SDK1: variants seen among roughly 807,000 people sequenced by gnomAD.
The protein encoded by SDK1 is sidekick cell adhesion molecule 1.
A neutral mutation model predicts 245.5 loss-of-function variants in SDK1; 157 were observed. The ratio of observed to expected loss-of-function variants is 0.64; its 90% CI spans 0.56 to 0.73. The LOEUF is 0.73. Among genes scored for constraint, SDK1 ranks in the 30% least tolerant of loss-of-function variants. The pLI is 0.00. For synonymous variants in SDK1, 1,647 were observed against 1,278.5 expected (o/e 1.29, Z -6.15); for missense variants, 3,583 against 3,002.3 (o/e 1.19, Z -4.52).
At chr7:3,497,727 C>A (rs1782068672) in intron 1 of SDK1, among the ~76,000 whole-genome samples, 2 of 152,162 alleles carry the variant, frequency 1.3e-5, no homozygotes, top group African/African-American at 4.8e-5. Flanking sequence ...TGATAAACCC[C>A]TTAGATGCTA....
intron 1 of SDK1, among the ~76,000 whole-genome samples, chr7:3,511,014 C>T (rs528448634): frequency 2.6e-5 from 4 of 152,130 alleles, no homozygotes; most frequent in African/African-American, 7.2e-5. Context: ...TGTAGGGGGA[C>T]GAGGGTGAAA....
intron 4 of SDK1, among the ~76,000 whole-genome samples, chr7:3,676,093 G>C (rs1035666430): frequency 2.6e-5 from 4 of 152,116 alleles, no homozygotes; most frequent in African/African-American, 9.7e-5. Context: ...AGCCTCCCAA[G>C]TAGCTGGGAC....
At position 3,568,883 on chromosome 7, in the gene SDK1, A is replaced by G. The variant is rs777548387; in HGVS notation, c.299-50197A>G. On this transcript the variant is annotated intron_variant, in intron 1 of 44. Coordinates refer to ENST00000404826, the MANE Select transcript of SDK1 (RefSeq NM_152744.4). ...TATTTATTCTACATTGCTAATAGAC[A>G]GAAAATATTTTCCCAAAGGAATTAT... Among the ~76,000 whole-genome samples, 141 of 152,284 alleles carry G rather than the reference A, an allele frequency of 9.3e-4. 1 individual carries two copies. The highest frequency in any genetic ancestry group is 2.4e-3 in the Admixed American group (36 of 15,306).
At chr7:3,599,956 C>T (rs912573504) in intron 1 of SDK1, among the ~76,000 whole-genome samples, 5 of 152,116 alleles carry the variant, frequency 3.3e-5, no homozygotes, top group African/African-American at 4.8e-5. Context: ...TTGTATATAT[C>T]TATAATTAAA....
chr7:3,654,933 G>C (rs187172868), intron 4 of SDK1, among the ~76,000 whole-genome samples: 1 of 151,974 alleles, frequency 6.6e-6, no homozygotes, highest in Non-Finnish European at 1.5e-5. Context: ...CATAATTGCA[G>C]TTCACCAACT....
At chr7:4,104,942 A>C (rs1402562689) in intron 22 of SDK1, among the ~76,000 whole-genome samples, 1 of 151,770 alleles carries the variant, frequency 6.6e-6, no homozygotes, top group African/African-American at 2.4e-5. Context: ...CCTGGGCTCA[A>C]GAGATCCTCC....
intron 44 of SDK1, among the ~76,000 whole-genome samples, chr7:4,260,736 C>T (rs1471522068): frequency 6.8e-6 from 1 of 147,092 alleles, no homozygotes; most frequent in Non-Finnish European, 1.5e-5. Context: ...ATGTGTTCAT[C>T]GTCACCTGAT....
intron 5 of SDK1, among the ~76,000 whole-genome samples, chr7:3,850,020 G>A (rs1780378911): frequency 6.6e-6 from 1 of 152,226 alleles, no homozygotes; most frequent in South Asian, 2.1e-4. Context: ...TTAAGGCTCA[G>A]TAGAGTTTCT....
At chr7:3,405,044 C>G (rs960459873) in intron 1 of SDK1, among the ~76,000 whole-genome samples, 2 of 151,852 alleles carry the variant, frequency 1.3e-5, no homozygotes, top group Non-Finnish European at 2.9e-5. Flanking sequence ...TGGGTTCTGA[C>G]GATGTCCTAC....
At chr7:3,760,349 C>A (rs915648131) in intron 4 of SDK1, among the ~76,000 whole-genome samples, 1 of 152,042 alleles carries the variant, frequency 6.6e-6, no homozygotes, top group Non-Finnish European at 1.5e-5. Context: ...CATACATTCC[C>A]CTTGTTGACC....
intron 4 of SDK1, among the ~76,000 whole-genome samples, chr7:3,790,537 G>A (rs1361193055): frequency 6.6e-6 from 1 of 152,154 alleles, no homozygotes; most frequent in Non-Finnish European, 1.5e-5. Flanking sequence ...GGCCAGGCGT[G>A]GTGGTCACAC....
chr7:3,348,318 C>G (rs1180588848), intron 1 of SDK1, among the ~76,000 whole-genome samples: 1 of 152,098 alleles, frequency 6.6e-6, no homozygotes, highest in Non-Finnish European at 1.5e-5. Context: ...ACAGTTGTTA[C>G]GAAGGTAAGT....
At chr7:3,432,914 C>A (rs2128585064) in intron 1 of SDK1, among the ~76,000 whole-genome samples, 1 of 152,306 alleles carries the variant, frequency 6.6e-6, no homozygotes, top group East Asian at 1.9e-4. Context: ...CATTCTTGTA[C>A]AGATTCATAG....
chr7:4,160,962 T>C (rs1416024693), intron 31 of SDK1, among the ~76,000 whole-genome samples: 1 of 152,180 alleles, frequency 6.6e-6, no homozygotes, highest in Non-Finnish European at 1.5e-5. Context: ...GATGCACAAG[T>C]GTGCCTGTGG....
chr7:3,335,160 G>A (rs1780166496), intron 1 of SDK1, among the ~76,000 whole-genome samples: 1 of 152,072 alleles, frequency 6.6e-6, no homozygotes, highest in Admixed American at 6.5e-5. Context: ...GTATCCAGTT[G>A]CCAGAGTGAC....
chr7:3,389,809 G>T (rs2128569722), intron 1 of SDK1, among the ~76,000 whole-genome samples: 1 of 152,246 alleles, frequency 6.6e-6, no homozygotes, highest in East Asian at 1.9e-4. Context: ...GGGTGCTGTG[G>T]TAACAAATAT....
chr7:3,597,898 G>A (rs1337024206), intron 1 of SDK1, among the ~76,000 whole-genome samples: 3 of 152,062 alleles, frequency 2.0e-5, no homozygotes, highest in Non-Finnish European at 2.9e-5. Flanking sequence ...TACTTTGACC[G>A]TTTATAAAAA....
chr7:4,168,688 C>T (rs1781646954), intron 32 of SDK1, among the ~76,000 whole-genome samples: 1 of 152,220 alleles, frequency 6.6e-6, no homozygotes, highest in Non-Finnish European at 1.5e-5. Flanking sequence ...CTGCAGTCTT[C>T]CTTCTGAGGT....
chr7:3,400,162 G>C (rs965517108), intron 1 of SDK1, among the ~76,000 whole-genome samples: 1 of 151,636 alleles, frequency 6.6e-6, no homozygotes, highest in Non-Finnish European at 1.5e-5. Flanking sequence ...TGTTAGGGAG[G>C]CTGCTGGTTC....
Sources: allele counts gnomAD v4.1 joint callset (sites outside exome capture counted in the v4.1 genomes callset), GRCh38; gene constraint gnomAD v4.1.1; transcripts MANE v1.5; gene names NCBI Gene and HGNC (gene_info 2026-07-23, HGNC 2026-07-21).